The following ANKUB1 variants were observed in gnomAD, a reference collection of about 807,000 sequenced individuals.
The protein encoded by ANKUB1 is protein ANKUB1.
In ANKUB1, 42 loss-of-function variants were observed where a neutral mutation model predicts 49.3. The ratio of observed to expected loss-of-function variants is 0.85; its 90% confidence interval spans 0.67 to 1.10. ANKUB1 has a LOEUF of 1.10. ANKUB1 is among the 50% of genes least tolerant of loss of function. ANKUB1 has a pLI of 0.00. For synonymous variants in ANKUB1, 222 were observed against 231.0 expected (o/e 0.96, Z 0.35); for missense variants, 613 against 642.0 (o/e 0.95, Z 0.49).
intron 3 of ANKUB1, chr3:149,779,195 G>A (rs1263077654): frequency 2.1e-5 from 3 of 143,032 alleles, no homozygotes; most frequent in East Asian, 2.0e-4. Flanking sequence ...TTTTTTTTTC[G>A]AGACAGGGTC....
intron 5 of ANKUB1, among the ~76,000 whole-genome samples, chr3:149,762,396 C>T (rs1716820323): frequency 1.3e-5 from 2 of 152,154 alleles, no homozygotes; most frequent in Admixed American, 6.5e-5. Context: ...TCTAACACTT[C>T]GATTTTGCTA....
At chr3:149,772,155 G>A (rs968027643) in intron 3 of ANKUB1, among the ~76,000 whole-genome samples, 6 of 151,532 alleles carry the variant, frequency 4.0e-5, no homozygotes, top group African/African-American at 1.2e-4. Context: ...CTCTCAAGTA[G>A]CTGGATTACA....
intron 2 of ANKUB1, among the ~76,000 whole-genome samples, chr3:149,785,424 C>T (rs769765802): frequency 4.6e-5 from 7 of 151,632 alleles, no homozygotes; most frequent in Non-Finnish European, 8.8e-5. Flanking sequence ...CCCAACCCCA[C>T]GACAGGCCGC....
intron 2 of ANKUB1, chr3:149,783,504 C>G (rs377146481): frequency 3.7e-4 from 56 of 152,228 alleles, no homozygotes; most frequent in African/African-American, 1.2e-3. Context: ...CCATGCTTAC[C>G]TTCAAAAAAC....
At chr3:149,777,498 AAC>A (rs1200479713) in intron 3 of ANKUB1, among the ~76,000 whole-genome samples, 58 of 151,148 alleles carry the variant, frequency 3.8e-4, no homozygotes, top group Admixed American at 1.6e-3. Flanking sequence ...CAACAACAAC[AAC>A]AAAAAAACAC....
chr3:149,774,804 T>A (rs1415210143), intron 3 of ANKUB1, among the ~76,000 whole-genome samples: 1 of 152,214 alleles, frequency 6.6e-6, no homozygotes, highest in Non-Finnish European at 1.5e-5. Context: ...GATTTTCCTT[T>A]CACCCCTGTT....
At chr3:149,781,429 A>G (rs1433896462) in intron 2 of ANKUB1, among the ~76,000 whole-genome samples, 2 of 152,172 alleles carry the variant, frequency 1.3e-5, no homozygotes, top group African/African-American at 4.8e-5. Context: ...CAGATTCAGG[A>G]CAATAATATT....
rs891578391 is a variant in ANKUB1 at position 149,769,564 on chromosome 3, C to T, written c.566+996G>A. ...TCATAAGTCTAAAATGCATTTAATACACCTAATCTACTGAACATCAAATCT... is the reference window on the plus strand; with the variant it reads ...TCATAAGTCTAAAATGCATTTAATATACCTAATCTACTGAACATCAAATCT... On this transcript the variant is annotated intron_variant, in intron 4 of 5. Transcript: ENST00000446160. Among the ~76,000 whole-genome samples, 7 of 152,214 alleles carry T rather than the reference C, an allele frequency of 4.6e-5. No homozygotes were observed. In the East Asian group the frequency reaches 1.3e-3, roughly 29 times the overall value.
intron 3 of ANKUB1, chr3:149,778,524 G>A (rs1188058337): frequency 1.3e-5 from 2 of 152,100 alleles, no homozygotes; most frequent in Non-Finnish European, 2.9e-5. Flanking sequence ...TCCTAGTTTT[G>A]TTTCATCCTT....
rs1313628522 is a variant in ANKUB1 at position 149,773,413 on chromosome 3, G to A, written c.452-2739C>T. Among the ~76,000 whole-genome samples the A allele has an allele frequency of 4.6e-5, 7 of 152,194 alleles. No homozygotes were observed. In the South Asian group the frequency reaches 8.3e-4, roughly 18 times the overall value. ...TACCCTCATCCCCCTCACCTGCCTC[G>A]ATCCTCATAACTCGGGCCTCAGCTA... On this transcript the variant is annotated intron_variant, in intron 3 of 5. Coordinates refer to ENST00000446160, the MANE Select transcript of ANKUB1 (RefSeq NM_001144960.3).
chr3:149,789,213 A>G (rs1262110087), intron 2 of ANKUB1, among the ~76,000 whole-genome samples: 1 of 152,230 alleles, frequency 6.6e-6, no homozygotes, highest in Non-Finnish European at 1.5e-5. Context: ...TATCCTATCC[A>G]TACTGTTAAA....
At chr3:149,784,191 G>C (rs1717986840) in intron 2 of ANKUB1, among the ~76,000 whole-genome samples, 1 of 152,216 alleles carries the variant, frequency 6.6e-6, no homozygotes, top group Non-Finnish European at 1.5e-5. Flanking sequence ...TTCCAGGGAT[G>C]TCAGGAGGGA....
At chr3:149,781,665 T>A (rs887006244) in intron 2 of ANKUB1, among the ~76,000 whole-genome samples, 1 of 152,186 alleles carries the variant, frequency 6.6e-6, no homozygotes, top group African/African-American at 2.4e-5. Flanking sequence ...TGCAGACTTA[T>A]AATAAATTAA....
rs540566444 is a variant in ANKUB1, at chr3:149,790,574, AAG to A, written c.234+205_234+206del. 2.0e-5 allele frequency among the ~76,000 whole-genome samples: 3 copies of A among 152,272 alleles called. No homozygotes were observed. In the South Asian group the frequency reaches 6.2e-4, roughly 32 times the overall value. On this transcript the variant is annotated intron_variant, in intron 2 of 5. Transcript: ENST00000446160. ...TGGGGAGGCAAGAGGAAGAAGAGTA[AAG>A]AGGGGGCAACTTTATCCCTTCTCCA...
chr3:149,790,758 G>T, intron 2 of ANKUB1, 23 bp downstream of exon 2: 4 of 1,530,778 alleles, frequency 2.6e-6, no homozygotes, highest in Non-Finnish European at 3.5e-6. Context: ...TATCTTAGAC[G>T]AATATTATCC....
chr3:149,790,034 A>G (rs75499434), intron 2 of ANKUB1, among the ~76,000 whole-genome samples: 3,283 of 152,306 alleles, frequency 0.022, 113 homozygotes, highest in African/African-American at 0.076. Flanking sequence ...CGGAGAATGT[A>G]TACTTTCCTA....
At chr3:149,765,515 G>T (rs556334848) in intron 5 of ANKUB1, among the ~76,000 whole-genome samples, 1 of 151,744 alleles carries the variant, frequency 6.6e-6, no homozygotes, top group East Asian at 1.9e-4. Context: ...GACACTGTCA[G>T]CTTTTCTTAT....
intron 3 of ANKUB1, among the ~76,000 whole-genome samples, chr3:149,777,236 G>C (rs564772256): frequency 6.6e-6 from 1 of 151,908 alleles, no homozygotes; most frequent in East Asian, 1.9e-4. Flanking sequence ...CACTTTGGGA[G>C]GCCAAGGCGG....
At chr3:149,782,764 C>T (rs1272064200) in intron 2 of ANKUB1, among the ~76,000 whole-genome samples, 1 of 151,904 alleles carries the variant, frequency 6.6e-6, no homozygotes, top group African/African-American at 2.4e-5. Context: ...GGTCTGGACC[C>T]CCTGGCCTCA....
Sources: allele counts gnomAD v4.1 joint callset (sites outside exome capture counted in the v4.1 genomes callset), GRCh38; gene constraint gnomAD v4.1.1; transcripts MANE v1.5; gene names NCBI Gene and HGNC (gene_info 2026-07-23, HGNC 2026-07-21).